FARP1: variants seen among roughly 807,000 people sequenced by gnomAD.
The protein encoded by FARP1 is FERM, ARHGEF and pleckstrin domain-containing protein 1.
A neutral mutation model predicts 128.8 loss-of-function variants in FARP1; 52 were observed. The observed-to-expected ratio is 0.40, with a 90% confidence interval of 0.32 to 0.51. The LOEUF (loss-of-function observed/expected upper bound fraction) is 0.51, where lower values mean the gene tolerates loss of function less well. Ranked by LOEUF, FARP1 falls within the 20% of genes least tolerant of loss-of-function variation. FARP1 has a pLI of 0.45. For missense variants in FARP1, 1,333 were observed against 1,367.9 expected (o/e 0.97, Z 0.40); for synonymous variants, 580 against 551.8 (o/e 1.05, Z -0.72).
chr13:98,441,342 A>G (rs1892516686), intron 24 of FARP1, among the ~76,000 whole-genome samples: 1 of 152,252 alleles, frequency 6.6e-6, no homozygotes, highest in Non-Finnish European at 1.5e-5. Flanking sequence ...AGGGAAAAGC[A>G]TGACCAGTTT....
intron 2 of FARP1, among the ~76,000 whole-genome samples, chr13:98,311,192 A>G (rs901016638): frequency 1.3e-5 from 2 of 152,222 alleles, no homozygotes; most frequent in East Asian, 1.9e-4. Context: ...GATATTTTTC[A>G]TGTTTACTGC....
intron 2 of FARP1, among the ~76,000 whole-genome samples, chr13:98,269,429 G>A (rs950606676): frequency 2.3e-4 from 35 of 152,180 alleles, no homozygotes; most frequent in African/African-American, 8.2e-4. Flanking sequence ...GGCCCTCCCC[G>A]CCAAGATGAT....
chr13:98,209,119 C>T (rs138157834), intron 1 of FARP1, among the ~76,000 whole-genome samples: 14,562 of 152,178 alleles, frequency 0.096, 799 homozygotes, highest in South Asian at 0.2. Flanking sequence ...CGCCATTCTC[C>T]TGCCTCAGCC....
intron 2 of FARP1, among the ~76,000 whole-genome samples, chr13:98,293,934 A>T (rs1885552845): frequency 6.6e-6 from 1 of 152,112 alleles, no homozygotes; most frequent in Admixed American, 6.5e-5. Context: ...TGTTTTTGGG[A>T]TTGTAAGGCA....
intron 2 of FARP1, among the ~76,000 whole-genome samples, chr13:98,214,433 A>G (rs1441705538): frequency 6.6e-6 from 1 of 152,154 alleles, no homozygotes; most frequent in Non-Finnish European, 1.5e-5. Context: ...TTGAATTCCA[A>G]GCAGCCAACT....
chr13:98,224,376 A>G (rs1288918670), intron 2 of FARP1, among the ~76,000 whole-genome samples: 1 of 151,234 alleles, frequency 6.6e-6, no homozygotes, highest in Non-Finnish European at 1.5e-5. Context: ...AAATACAAAA[A>G]ATTAGCTGGG....
rs1892468036 is a variant in FARP1 at position 98,440,228 on chromosome 13, T to G, written c.2622T>G (p.Pro874=). ...PAPEFLASSP[P]DNKSPDEATA... The stretch of plus-strand genomic sequence containing the variant: ...CTGAGTTCCTGGCCAGCAGCCCCCC[T>G]GACAACAGTGAGTGTGGCCAGGGCA... Residue 874 remains proline, a synonymous_variant, in exon 23 of 27, where the codon CCT becomes CCG. Coordinates refer to ENST00000319562, the MANE Select transcript of FARP1 (RefSeq NM_005766.4). 6.2e-7 allele frequency: 1 copy of G among 1,612,308 alleles called. No homozygotes were observed. The highest frequency in any genetic ancestry group is 8.5e-7 in the Non-Finnish European group (1 of 1,178,444).
chr13:98,393,234 A>C (rs573072613), intron 11 of FARP1, among the ~76,000 whole-genome samples: 1 of 152,348 alleles, frequency 6.6e-6, no homozygotes, highest in Admixed American at 6.5e-5. Flanking sequence ...GAACTGATCC[A>C]GAAAATAATT....
intron 2 of FARP1, among the ~76,000 whole-genome samples, chr13:98,292,924 C>T (rs188451136): frequency 1.3e-5 from 2 of 149,348 alleles, no homozygotes; most frequent in African/African-American, 4.9e-5. Flanking sequence ...AGATAACGTG[C>T]TTTGTTCTAA....
At chr13:98,251,788 C>G (rs1883338107) in intron 2 of FARP1, among the ~76,000 whole-genome samples, 1 of 152,096 alleles carries the variant, frequency 6.6e-6, no homozygotes, top group Admixed American at 6.5e-5. Flanking sequence ...TTGATAAAGT[C>G]CATGATAAAC....
intron 2 of FARP1, among the ~76,000 whole-genome samples, chr13:98,267,761 G>T (rs1328412074): frequency 5.9e-5 from 9 of 152,208 alleles, no homozygotes; most frequent in Non-Finnish European, 1.2e-4. Flanking sequence ...ACTGCAGGAC[G>T]TGCTGGGTTC....
chr13:98,151,522 T>C (rs1875995820), intron 1 of FARP1, among the ~76,000 whole-genome samples: 1 of 152,110 alleles, frequency 6.6e-6, no homozygotes. Flanking sequence ...ATGATAAACA[T>C]TGGTTGATTT....
intron 2 of FARP1, among the ~76,000 whole-genome samples, chr13:98,243,537 TA>T (rs201143596): frequency 2.3e-4 from 34 of 144,784 alleles, no homozygotes; most frequent in Admixed American, 4.2e-4. Flanking sequence ...CTACTAAAAA[TA>T]AAAAAAAAAA....
intron 2 of FARP1, among the ~76,000 whole-genome samples, chr13:98,323,983 T>G (rs1394502545): frequency 6.6e-6 from 1 of 152,250 alleles, no homozygotes. Context: ...ATACACATTT[T>G]GAGTTTCATC....
intron 2 of FARP1, among the ~76,000 whole-genome samples, chr13:98,231,704 G>C (rs1460483657): frequency 6.6e-6 from 1 of 152,142 alleles, no homozygotes; most frequent in Admixed American, 6.5e-5. Context: ...CTCCGAAAGT[G>C]TTGGTGAGCC....
intron 13 of FARP1, among the ~76,000 whole-genome samples, chr13:98,407,708 G>A (rs1442633598): frequency 1.3e-5 from 2 of 152,154 alleles, no homozygotes; most frequent in African/African-American, 2.4e-5. Context: ...CCAGTAGTCC[G>A]TGGGCAGGAC....
At chr13:98,227,121 T>A (rs1296868805) in intron 2 of FARP1, among the ~76,000 whole-genome samples, 1 of 152,094 alleles carries the variant, frequency 6.6e-6, no homozygotes, top group Non-Finnish European at 1.5e-5. Context: ...CTTTTGTATT[T>A]TTAGTAGAGA....
At chr13:98,180,297 G>C (rs1185749114) in intron 1 of FARP1, among the ~76,000 whole-genome samples, 1 of 151,936 alleles carries the variant, frequency 6.6e-6, no homozygotes, top group Admixed American at 6.6e-5. Flanking sequence ...GAGGGGCCAC[G>C]TACTTCTAAA....
At chr13:98,348,037 A>G (rs866522395) in intron 3 of FARP1, among the ~76,000 whole-genome samples, 1 of 152,348 alleles carries the variant, frequency 6.6e-6, no homozygotes, top group East Asian at 1.9e-4. Flanking sequence ...AGCCTTATTC[A>G]TAGTAAGGAT....
Sources: gnomAD v4.1 joint callset for allele counts (sites outside exome capture counted in the v4.1 genomes callset) on GRCh38, gnomAD v4.1.1 for gene constraint, MANE v1.5 for transcripts, NCBI Gene and HGNC (gene_info 2026-07-23, HGNC 2026-07-21) for gene names.